The following SFI1 variants were observed in gnomAD, a reference collection of about 807,000 sequenced individuals.
The protein encoded by SFI1 is protein SFI1 homolog.
A neutral mutation model predicts 207.5 loss-of-function variants in SFI1; 195 were observed. That is an observed-to-expected ratio of 0.94 (90% CI 0.84 to 1.06). The LOEUF (loss-of-function observed/expected upper bound fraction) is 1.06. SFI1 is among the 50% of genes least tolerant of loss of function. The pLI is 0.00. For synonymous variants in SFI1, 630 were observed against 598.9 expected (o/e 1.05, Z -0.76); for missense variants, 1,634 against 1,588.0 (o/e 1.03, Z -0.49).
intron 2 of SFI1, among the ~76,000 whole-genome samples, chr22:31,523,696 C>G (rs1192929621): frequency 1.3e-5 from 2 of 150,350 alleles, no homozygotes; most frequent in African/African-American, 4.9e-5. Flanking sequence ...CCATTATCTC[C>G]TTTGATTCCC....
In SFI1 at chr22:31,614,702, C is replaced by T. The variant is rs766776898; in HGVS notation, c.2997-87C>T. 2.7e-6 allele frequency: 4 copies of T among 1,464,056 alleles called. No homozygotes were observed. In the Admixed American group the frequency reaches 5.4e-5, roughly 20 times the overall value. 90.7% of individuals were successfully genotyped at this position (1,464,056 alleles called of 1,614,324 possible). On this transcript the variant is annotated intron_variant, in intron 27 of 32. Coordinates refer to ENST00000400288, the MANE Select transcript of SFI1 (RefSeq NM_001007467.3). ...TCGCCTTTCCTGACTTTCAGTCTCC[C>T]TATAAAATTGGAGATCCCACAGAGA...
intron 22 of SFI1, among the ~76,000 whole-genome samples, chr22:31,608,523 C>CATG (rs2069465790): frequency 6.6e-6 from 1 of 152,146 alleles, no homozygotes; most frequent in Non-Finnish European, 1.5e-5. Context: ...CCAGGAAGGA[C>CATG]ATGAATACGG....
chr22:31,542,469 A>T (rs1475311133), intron 4 of SFI1, among the ~76,000 whole-genome samples: 6 of 151,620 alleles, frequency 4.0e-5, no homozygotes, highest in Non-Finnish European at 8.8e-5. Flanking sequence ...CTCTACTAAA[A>T]ATACAAAAAT....
intron 12 of SFI1, among the ~76,000 whole-genome samples, chr22:31,581,893 CTT>C (rs1181375486): frequency 6.6e-6 from 1 of 151,916 alleles, no homozygotes; most frequent in African/African-American, 2.4e-5. Flanking sequence ...CATCATGACA[CTT>C]TGCACCTAAA....
chr22:31,608,201 C>T lies in SFI1; in HGVS notation c.2254+168C>T, dbSNP rs539542027. On this transcript the variant is annotated intron_variant, in intron 22 of 32. Transcript: ENST00000400288. The stretch of plus-strand genomic sequence containing the variant: ...GAGTCTTCAAACAACACAAAATTGC[C>T]CTCTCAGTTCTGGAGGCTGGCAGTC... Among the ~76,000 whole-genome samples the T allele has an allele frequency of 1.7e-4, 26 of 152,282 alleles. No individual in the cohort carries two copies. The South Asian group carries it at 2.7e-3, about 16-fold the overall frequency.
rs751726542 is a variant in SFI1, at chr22:31,617,073, C to T, written c.3507C>T (p.Asn1169=). Residue 1169 remains asparagine (N), a synonymous_variant, in exon 31 of 33, where the codon AAC becomes AAT. Coordinates refer to ENST00000400288, the MANE Select transcript of SFI1 (RefSeq NM_001007467.3). ...QLLHYQTTKQ[N]LWSCRRQASS... Reference sequence around the variant, plus strand: ...TGCACTACCAGACCACCAAGCAGAACCTCTGGTGAGCCCTGCGAAACGCCC... The same window carrying T: ...TGCACTACCAGACCACCAAGCAGAATCTCTGGTGAGCCCTGCGAAACGCCC... The T allele has an allele frequency of 2.5e-6, 4 of 1,613,980 alleles. No homozygotes were observed. The highest frequency in any genetic ancestry group is 3.4e-6 in the Non-Finnish European group (4 of 1,180,008).
chr22:31,561,495 AG>A, intron 8 of SFI1, 103 bp downstream of exon 8: 1 of 964,836 alleles, frequency 1.0e-6, no homozygotes, highest in Non-Finnish European at 1.5e-6. Context: ...AGGGCCTGAG[AG>A]GGGGTGGGGA....
chr22:31,580,279 G>A lies in SFI1; in HGVS notation c.1163G>A (p.Cys388Tyr), dbSNP rs2063957202. ...EHHRHSQLYF[C>Y]FRALKDNVTH... ...TGTCCTTTCTTTGCACAGTATTTTT[G>A]CTTTAGAGCCCTAAAAGACAATGTG... Residue 388 changes from cysteine (C) to tyrosine (Y), a missense_variant, in exon 12 of 33, where the codon TGC becomes TAC. Physicochemically the swap from Cys to Tyr is radical, Grantham distance 194. Coordinates refer to ENST00000400288, the MANE Select transcript of SFI1 (RefSeq NM_001007467.3). 2.5e-6 allele frequency: 4 copies of A among 1,613,246 alleles called. No individual in the cohort carries two copies. The highest frequency in any genetic ancestry group is 1.3e-5 in the African/African-American group (1 of 74,960).
At chr22:31,541,012 G>A (rs902875541) in intron 4 of SFI1, among the ~76,000 whole-genome samples, 2 of 152,078 alleles carry the variant, frequency 1.3e-5, no homozygotes, top group Admixed American at 6.6e-5. Flanking sequence ...CCTCTGGCTC[G>A]CCTCTCCGGA....
chr22:31,563,358 G>A (rs1423577263), intron 8 of SFI1, among the ~76,000 whole-genome samples: 1 of 152,038 alleles, frequency 6.6e-6, no homozygotes, highest in Non-Finnish European at 1.5e-5. Flanking sequence ...GGAGGGAGAT[G>A]GAACTGATAA....
intron 2 of SFI1, among the ~76,000 whole-genome samples, chr22:31,516,479 C>G (rs991139298): frequency 1.3e-5 from 2 of 151,484 alleles, no homozygotes; most frequent in African/African-American, 4.9e-5. Flanking sequence ...CACCCCTGCA[C>G]TCCAGCCTGG....
chr22:31,519,489 T>C (rs1602041143), intron 2 of SFI1, among the ~76,000 whole-genome samples: 1 of 151,252 alleles, frequency 6.6e-6, no homozygotes, highest in Non-Finnish European at 1.5e-5. Context: ...CAGGCTGGAG[T>C]GCAGTGGCAT....
At chr22:31,497,870 C>T (rs891074003) in intron 1 of SFI1, among the ~76,000 whole-genome samples, 39 of 152,316 alleles carry the variant, frequency 2.6e-4, no homozygotes, top group Non-Finnish European at 4.4e-4. Context: ...AACAAGGCAC[C>T]TGGTCACCAA....
intron 31 of SFI1, 124 bp from the exon 32 acceptor site, chr22:31,617,991 C>G: frequency 9.2e-7 from 1 of 1,087,458 alleles, no homozygotes; most frequent in Non-Finnish European, 1.3e-6. Context: ...GGTCAGGGGC[C>G]CTACCAGACC....
chr22:31,562,539 T>C (rs1602751074), intron 8 of SFI1, among the ~76,000 whole-genome samples: 1 of 152,310 alleles, frequency 6.6e-6, no homozygotes. Context: ...ATAAACCTTT[T>C]TTAAAAGTCC....
At chr22:31,514,350 A>C (rs1340775124) in intron 2 of SFI1, among the ~76,000 whole-genome samples, 1 of 149,600 alleles carries the variant, frequency 6.7e-6, no homozygotes, top group Admixed American at 6.7e-5. Flanking sequence ...CTAAAAATAC[A>C]AAAAAAAATT....
chr22:31,509,713 C>G (rs568869658), intron 2 of SFI1, among the ~76,000 whole-genome samples: 1 of 152,270 alleles, frequency 6.6e-6, no homozygotes, highest in Admixed American at 6.5e-5. Flanking sequence ...CATTAACCAT[C>G]ACAGTGGTTT....
At chr22:31,592,964 G>C (rs1189097248) in intron 15 of SFI1, among the ~76,000 whole-genome samples, 3 of 120,392 alleles carry the variant, frequency 2.5e-5, no homozygotes, top group African/African-American at 1.1e-4. Context: ...TCCCGGACGG[G>C]GCGGCTGGCC....
intron 15 of SFI1, among the ~76,000 whole-genome samples, chr22:31,599,481 C>A (rs536630212): frequency 3.3e-5 from 5 of 152,174 alleles, no homozygotes; most frequent in Non-Finnish European, 5.9e-5. Flanking sequence ...CACACGCCAC[C>A]ACGCCCAGCT....
Sources: allele counts gnomAD v4.1 joint callset (sites outside exome capture counted in the v4.1 genomes callset), GRCh38; gene constraint gnomAD v4.1.1; transcripts MANE v1.5; gene names NCBI Gene and HGNC (gene_info 2026-07-23, HGNC 2026-07-21).